The following ASB15 variants were observed in gnomAD, a reference collection of about 807,000 sequenced individuals.
ASB15 encodes ankyrin repeat and SOCS box protein 15.
Under a neutral mutation model 58.0 loss-of-function variants are expected in ASB15, and 54 were observed. The ratio of observed to expected loss-of-function variants is 0.93; its 90% CI spans 0.75 to 1.17. The LOEUF (loss-of-function observed/expected upper bound fraction) is 1.17. ASB15 is among the 50% of genes most tolerant of loss of function. ASB15 has a pLI of 0.00. For missense variants in ASB15, 680 were observed against 707.4 expected, an observed-to-expected ratio of 0.96 and a Z score of 0.44; for synonymous variants, 249 against 262.4, an observed-to-expected ratio of 0.95 and a Z score of 0.50.
At chr7:123,574,469 A>G (rs1004802749) in intron 1 of ASB15, among the ~76,000 whole-genome samples, 4 of 152,192 alleles carry the variant, frequency 2.6e-5, no homozygotes, top group African/African-American at 4.8e-5. Context: ...TAGGACCTGA[A>G]TATGAATTTC....
At chr7:123,585,659 GTGT>G (rs1799356766) in intron 1 of ASB15, among the ~76,000 whole-genome samples, 1 of 151,582 alleles carries the variant, frequency 6.6e-6, no homozygotes, top group African/African-American at 2.4e-5. Flanking sequence ...GTGTGTGTGT[GTGT>G]GGTGAGAACA....
At position 123,638,643 on chromosome 7, in the gene ASB15, G is replaced by C. The variant is rs532755172; in HGVS notation, c.*1662G>C. 9 of 152,246 alleles carry C rather than the reference G, an allele frequency of 5.9e-5. No individual in the cohort carries two copies. The highest frequency in any genetic ancestry group is 2.2e-4 in the African/African-American group (9 of 41,556). 9.4% of individuals were successfully genotyped at this position (152,246 alleles called of 1,614,324 possible). ...AAATATCTGAGGACCTTTGTATGGG[G>C]AACCTCTGCTGTAGAATAGACCATG... On this transcript the variant is annotated 3_prime_UTR_variant, in exon 12 of 12. Transcript: ENST00000451215.
In ASB15 at chr7:123,602,869, T is replaced by C. The variant is rs562010756; in HGVS notation, c.-245+955T>C. On this transcript the variant is annotated intron_variant, in intron 1 of 11. Transcript: ENST00000451215. ...ACTGGTTAAGCGTGTGTGGCCTCCA[T>C]TGTCAGATGACTGGGCTATATCCCA... 7.2e-5 allele frequency among the ~76,000 whole-genome samples: 11 copies of C among 152,156 alleles called. No individual in the cohort carries two copies. The South Asian group carries it at 1.2e-3, about 17-fold the overall frequency.
chr7:123,615,198 T>C (rs1394419040), intron 4 of ASB15: 3 of 152,362 alleles, frequency 2.0e-5, no homozygotes, highest in African/African-American at 2.4e-5. Flanking sequence ...AATTAAAATA[T>C]ACCTAAAAGT....
intron 7 of ASB15, among the ~76,000 whole-genome samples, chr7:123,619,552 C>T (rs923835782): frequency 1.3e-5 from 2 of 152,048 alleles, no homozygotes; most frequent in African/African-American, 2.4e-5. Context: ...GAGGCAGAGT[C>T]TCGCTCTGTT....
chr7:123,578,527 G>A (rs372084909), intron 1 of ASB15, among the ~76,000 whole-genome samples: 77 of 151,980 alleles, frequency 5.1e-4, no homozygotes, highest in African/African-American at 1.8e-3. Flanking sequence ...ATTTATCTGT[G>A]CAAGCTCAGT....
rs1802521703 is a variant in ASB15 at position 123,638,308 on chromosome 7, T to C, written c.*1327T>C. 1.3e-5 allele frequency: 2 copies of C among 152,214 alleles called. No individual in the cohort carries two copies. The highest frequency in any genetic ancestry group is 2.9e-5 in the Non-Finnish European group (2 of 68,040). 9.4% of individuals were successfully genotyped at this position (152,214 alleles called of 1,614,324 possible). ...ATGATCTAACTCCTGCCTTCTTCTT[T>C]AGCCTCATCTCTGGATGTCTACCTT... On this transcript the variant is annotated 3_prime_UTR_variant, in exon 12 of 12. Coordinates refer to ENST00000451215, the MANE Select transcript of ASB15 (RefSeq NM_001290258.2).
chr7:123,580,839 A>G (rs1799212181), intron 1 of ASB15, among the ~76,000 whole-genome samples: 1 of 152,020 alleles, frequency 6.6e-6, no homozygotes. Context: ...CATCATTATA[A>G]TTATTATACC....
chr7:123,582,646 T>C (rs550279477), intron 1 of ASB15, among the ~76,000 whole-genome samples: 9 of 151,874 alleles, frequency 5.9e-5, no homozygotes, highest in Non-Finnish European at 1.2e-4. Context: ...CCTCTCCCCT[T>C]ATACATTATC....
intron 11 of ASB15, among the ~76,000 whole-genome samples, chr7:123,634,209 C>A (rs555124534): frequency 7.9e-5 from 12 of 152,094 alleles, no homozygotes; most frequent in South Asian, 4.1e-4. Context: ...CAGCCACCCC[C>A]CCGACAGGCC....
In ASB15 at chr7:123,614,150, C is replaced by G. The variant is rs1420340402; in HGVS notation, c.-2-351C>G. The G allele has an allele frequency of 1.7e-5, 4 of 231,798 alleles. No homozygotes were observed. In the South Asian group the frequency reaches 2.0e-4, roughly 11 times the overall value. The allele number at this position is 231,798 out of a possible 1,614,324, so 14.4% of individuals were successfully genotyped here. On this transcript the variant is annotated intron_variant, in intron 3 of 11. Transcript: ENST00000451215. ...AAGCTTTTAATATGTTATGTACACA[C>G]TCTCCAAGAAAACTGATGGACCAAA...
rs190338917 is a variant in ASB15, at chr7:123,618,841, G to T, written c.451+1104G>T. ...GAACATCAGTAAAATATTTGTATTT[G>T]ATGGCATTGATTCAACAATATCAAT... is the stretch of plus-strand genomic sequence containing the variant. On this transcript the variant is annotated intron_variant, in intron 7 of 11. Transcript: ENST00000451215. Among the ~76,000 whole-genome samples the T allele has an allele frequency of 8.0e-5, 12 of 150,298 alleles. No individual in the cohort carries two copies. In the Admixed American group the frequency reaches 8.0e-4, roughly 10 times the overall value.
At chr7:123,569,388 C>T (rs1013657910) in intron 1 of ASB15, among the ~76,000 whole-genome samples, 2 of 152,054 alleles carry the variant, frequency 1.3e-5, no homozygotes, top group Admixed American at 6.6e-5. Flanking sequence ...TGTGGTCCAG[C>T]AATAGCTAGG....
chr7:123,630,666 A>G (rs1802072047), intron 11 of ASB15, among the ~76,000 whole-genome samples: 1 of 152,200 alleles, frequency 6.6e-6, no homozygotes, highest in South Asian at 2.1e-4. Flanking sequence ...ACAAGTTTCA[A>G]TGAAAGTACA....
At chr7:123,620,493 G>T (rs1801164878) in intron 7 of ASB15, among the ~76,000 whole-genome samples, 1 of 95,250 alleles carries the variant, frequency 1.0e-5, no homozygotes, top group African/African-American at 4.2e-5. Flanking sequence ...CTAGTAATGT[G>T]ACACATATAC....
At chr7:123,593,857 A>T (rs775959720) in intron 1 of ASB15, among the ~76,000 whole-genome samples, 12 of 152,170 alleles carry the variant, frequency 7.9e-5, no homozygotes, top group Non-Finnish European at 1.6e-4. Context: ...TCTCCTGGAT[A>T]ATAGCCTGAA....
upstream of ASB15, among the ~76,000 whole-genome samples, chr7:123,600,673 A>T (rs1359962374): frequency 6.6e-6 from 1 of 152,192 alleles, no homozygotes; most frequent in Admixed American, 6.5e-5. Flanking sequence ...AGTGGTTTAA[A>T]CATAAAATAC....
intron 1 of ASB15, among the ~76,000 whole-genome samples, chr7:123,576,229 CT>C (rs66614551): frequency 0.23 from 34,795 of 150,784 alleles, 4,116 homozygotes; most frequent in East Asian, 0.4. Context: ...TTATTTTCTT[CT>C]TTTCTGAGTT....
In ASB15 at chr7:123,608,605, A is replaced by C. The variant is rs1052788038; in HGVS notation, c.-52A>C. On this transcript the variant is annotated 5_prime_UTR_variant, in exon 3 of 12. Transcript: ENST00000451215. ...CCCATCATGCTTAGGATTTCTCTTC[A>C]GTAGAAAAGGCAAATACCATAAAGA... 13 of 152,218 alleles carry C rather than the reference A, an allele frequency of 8.5e-5. No individual in the cohort carries two copies. The highest frequency in any genetic ancestry group is 1.5e-4 in the Non-Finnish European group (10 of 68,034). The allele number at this position is 152,218 out of a possible 1,614,324, so 9.4% of individuals were successfully genotyped here. A position where few individuals can be genotyped will look rare whatever the true frequency, so the allele number is the denominator to read the frequency against.
Sources: gnomAD v4.1 joint callset for allele counts (sites outside exome capture counted in the v4.1 genomes callset) on GRCh38, gnomAD v4.1.1 for gene constraint, MANE v1.5 for transcripts, NCBI Gene and HGNC (gene_info 2026-07-23, HGNC 2026-07-21) for gene names.